TMEM51: variants seen among roughly 807,000 people sequenced by gnomAD.
TMEM51 encodes chromosome 1 open reading frame 72.
In TMEM51, 8 loss-of-function variants were observed where a neutral mutation model predicts 13.6. The ratio of observed to expected loss-of-function variants is 0.59; its 90% CI spans 0.35 to 1.07. The LOEUF (loss-of-function observed/expected upper bound fraction) is 1.07, where lower values mean the gene tolerates loss of function less well. TMEM51 is among the 50% of genes least tolerant of loss of function. The probability of loss-of-function intolerance (pLI) is 0.02; values close to 1 mark genes in which losing one functional copy is unlikely to be tolerated. For missense variants in TMEM51, 279 were observed against 330.7 expected (o/e 0.84, Z 1.21); for synonymous variants, 147 against 144.4 (o/e 1.02, Z -0.13).
chr1:15,215,278 CTG>C lies in TMEM51; in HGVS notation c.194_195del (p.Val65GlyfsTer23), dbSNP rs1463922265. 1 of 1,614,148 alleles carries C rather than the reference CTG, an allele frequency of 6.2e-7. No individual in the cohort carries two copies. On this transcript the variant is annotated frameshift_variant, in exon 3 of 4. Transcript: ENST00000376008. LOFTEE classifies it high-confidence loss of function. ...GGCATCCTCAAGAGCAAGACCTTCT[CTG>C]TGGCCTACGTGCTGGTCGGGGCCGG...
intron 1 of TMEM51, among the ~76,000 whole-genome samples, chr1:15,194,483 G>A (rs1644005281): frequency 6.6e-6 from 1 of 152,202 alleles, no homozygotes; most frequent in Non-Finnish European, 1.5e-5. Context: ...GGCCATAGCA[G>A]TGGGCTCCGT....
chr1:15,155,505 C>T (rs1327540317), intron 1 of TMEM51, among the ~76,000 whole-genome samples: 2 of 152,126 alleles, frequency 1.3e-5, no homozygotes, highest in Non-Finnish European at 2.9e-5. Context: ...AGGGCTTAGA[C>T]GAGAACAGAA....
intron 1 of TMEM51, among the ~76,000 whole-genome samples, chr1:15,191,617 A>G (rs1643922654): frequency 6.6e-6 from 1 of 152,212 alleles, no homozygotes; most frequent in South Asian, 2.1e-4. Flanking sequence ...CCTCACTTTA[A>G]TAAGTAGCAG....
chr1:15,156,746 CAGAG>C (rs1224692155), intron 1 of TMEM51, among the ~76,000 whole-genome samples: 1 of 152,184 alleles, frequency 6.6e-6, no homozygotes, highest in African/African-American at 2.4e-5. Flanking sequence ...AAACAAAACT[CAGAG>C]AGGGGATGGG....
chr1:15,168,695 T>C (rs1643122107), intron 1 of TMEM51: 1 of 1,304,404 alleles, frequency 7.7e-7, no homozygotes, highest in Non-Finnish European at 1.0e-6. Context: ...ACACGCGTAC[T>C]GTCTCTCCCA....
intron 1 of TMEM51, among the ~76,000 whole-genome samples, chr1:15,176,904 G>A (rs565136785): frequency 9.2e-5 from 14 of 152,310 alleles, no homozygotes; most frequent in Admixed American, 7.8e-4. Flanking sequence ...GTGAGAAGGA[G>A]ATGGATGAGG....
intron 1 of TMEM51, among the ~76,000 whole-genome samples, chr1:15,170,840 T>C (rs1643239998): frequency 6.6e-6 from 1 of 152,052 alleles, no homozygotes; most frequent in Non-Finnish European, 1.5e-5. Flanking sequence ...GCCATTCTCC[T>C]GCCTCAGCCT....
upstream of TMEM51, among the ~76,000 whole-genome samples, chr1:15,153,028 C>A (rs939375902): frequency 1.2e-4 from 18 of 152,374 alleles, no homozygotes; most frequent in Middle Eastern, 6.8e-3. Context: ...CCGGAATGGG[C>A]CCCACCTGGG....
chr1:15,188,961 C>T (rs938973527), intron 1 of TMEM51, among the ~76,000 whole-genome samples: 2 of 152,176 alleles, frequency 1.3e-5, no homozygotes, highest in Non-Finnish European at 2.9e-5. Flanking sequence ...TCTCCAGGGT[C>T]CACCCTTACT....
intron 1 of TMEM51, among the ~76,000 whole-genome samples, chr1:15,165,951 G>T (rs530463567): frequency 6.6e-6 from 1 of 151,914 alleles, no homozygotes; most frequent in African/African-American, 2.4e-5. Context: ...AAAAGTTAGG[G>T]TTATAAAACA....
intron 1 of TMEM51, among the ~76,000 whole-genome samples, chr1:15,160,586 T>TA (rs1642743770): frequency 6.6e-6 from 1 of 152,034 alleles, no homozygotes. Context: ...AACATGATTT[T>TA]AAAAAACAAA....
intron 2 of TMEM51, among the ~76,000 whole-genome samples, chr1:15,212,338 T>A (rs974562214): frequency 1.3e-5 from 2 of 152,220 alleles, no homozygotes; most frequent in African/African-American, 4.8e-5. Context: ...AATCCCGACA[T>A]TTTAATCTCT....
chr1:15,182,872 C>G (rs1985416), intron 1 of TMEM51, among the ~76,000 whole-genome samples: 64,442 of 152,022 alleles, frequency 0.42, 14,683 homozygotes, highest in East Asian at 0.87. Flanking sequence ...AACTGATTCT[C>G]CTACCACAGC....
At chr1:15,186,532 A>G (rs1331208359) in intron 1 of TMEM51, among the ~76,000 whole-genome samples, 3 of 152,194 alleles carry the variant, frequency 2.0e-5, no homozygotes, top group Non-Finnish European at 4.4e-5. Flanking sequence ...CTCTGCCGAT[A>G]GGGGAAATGG....
chr1:15,171,124 A>AC, intron 1 of TMEM51: 1 of 368,284 alleles, frequency 2.7e-6, no homozygotes, highest in Admixed American at 6.5e-5. Flanking sequence ...CACATCCCCC[A>AC]CCCCCAGTTG....
chr1:15,167,506 G>A (rs76521054), intron 1 of TMEM51, among the ~76,000 whole-genome samples: 2,472 of 151,648 alleles, frequency 0.016, 76 homozygotes, highest in African/African-American at 0.057. Flanking sequence ...AACATTCAGA[G>A]GTTTTAGTAT....
intron 1 of TMEM51, among the ~76,000 whole-genome samples, chr1:15,181,332 G>C (rs1257330607): frequency 6.6e-6 from 1 of 152,202 alleles, no homozygotes; most frequent in African/African-American, 2.4e-5. Flanking sequence ...GCTGGGTGGG[G>C]CTCCAGGTTG....
intron 1 of TMEM51, among the ~76,000 whole-genome samples, chr1:15,194,767 A>G (rs1644012257): frequency 6.6e-6 from 1 of 151,774 alleles, no homozygotes; most frequent in Admixed American, 6.6e-5. Flanking sequence ...ATTTCCGTGG[A>G]TGATATTGCG....
intron 1 of TMEM51, among the ~76,000 whole-genome samples, chr1:15,172,055 CGTTTGAAACTTCT>C (rs2100838613): frequency 6.6e-6 from 1 of 152,268 alleles, no homozygotes; most frequent in East Asian, 1.9e-4. Context: ...TACCCAGCCA[CGTTTGAAACTTCT>C]GAAGTATGGA....
Sources: gnomAD v4.1 joint callset for allele counts (sites outside exome capture counted in the v4.1 genomes callset) on GRCh38, gnomAD v4.1.1 for gene constraint, MANE v1.5 for transcripts, NCBI Gene and HGNC (gene_info 2026-07-23, HGNC 2026-07-21) for gene names.